TMBIM6: variants seen among roughly 807,000 people sequenced by gnomAD.
TMBIM6 encodes the protein bax inhibitor 1.
In TMBIM6, 13 loss-of-function variants were observed where a neutral mutation model predicts 31.4. That is an observed-to-expected ratio of 0.41 (90% CI 0.27 to 0.66). TMBIM6 has a LOEUF of 0.66. TMBIM6 is among the 30% of genes least tolerant of loss of function. The probability of loss-of-function intolerance (pLI) is 0.28; values close to 1 mark genes in which losing one functional copy is unlikely to be tolerated. For synonymous variants in TMBIM6, 85 were observed against 101.7 expected, an observed-to-expected ratio of 0.84 and a Z score of 0.99; for missense variants, 275 against 289.5, an observed-to-expected ratio of 0.95 and a Z score of 0.36.
chr12:49,758,297 T>TA, intron 5 of TMBIM6, 22 bp downstream of exon 5: 1 of 1,614,188 alleles, frequency 6.2e-7, no homozygotes, highest in South Asian at 1.1e-5. Context: ...GGTAGTGTCT[T>TA]ATGTGCTTTT....
intron 1 of TMBIM6, among the ~76,000 whole-genome samples, chr12:49,752,095 A>G (rs1433915631): frequency 6.6e-6 from 1 of 151,522 alleles, no homozygotes; most frequent in Admixed American, 6.6e-5. Context: ...TCTTGAAACA[A>G]TGACATAAAA....
intron 4 of TMBIM6, 82 bp downstream of exon 4, chr12:49,755,837 C>CTTT (rs369987981): frequency 1.3e-4 from 142 of 1,125,172 alleles, no homozygotes; most frequent in African/African-American, 4.9e-4. Flanking sequence ...CTTTTTTTTT[C>CTTT]TTTTTTTTTT....
At position 49,755,708 on chromosome 12, in the gene TMBIM6, C is replaced by T; in HGVS notation, c.239C>T (p.Thr80Ile). 6.2e-7 allele frequency: 1 copy of T among 1,614,116 alleles called. No individual in the cohort carries two copies. Among genetic ancestry groups the T allele is most frequent in the Non-Finnish European group, 8.5e-7 (1 of 1,179,992 alleles). ...ATGGCAACACCTCATAGCCATGAAA[C>T]TGAACAGAAAAGACTGGGACTTCTT... ...WLMATPHSHETEQKRLGLLAG... is the reference protein window; with the variant it reads ...WLMATPHSHEIEQKRLGLLAG... The change falls in exon 4 of 10, where the codon ACT becomes ATT. Residue 80 changes from threonine (T) to isoleucine (I), a missense_variant. Transcript: ENST00000267115.
At position 49,749,435 on chromosome 12, in the gene TMBIM6, A is replaced by ATTTTTTTTTTT. The variant is rs372622355; in HGVS notation, c.-30-3024_-30-3023insTTTTTTTTTTT. The stretch of plus-strand genomic sequence containing the variant: ...GTAAGTCCTTTTCTTTTTGTAAGTC[A>ATTTTTTTTTTT]TTTTTGTTTTTTTTTGAAACGGAGT... On this transcript the variant is annotated intron_variant, in intron 1 of 9. Transcript: ENST00000267115. Among the ~76,000 whole-genome samples the ATTTTTTTTTTT allele has an allele frequency of 3.9e-3, 527 of 136,312 alleles. 18 individuals are homozygous for ATTTTTTTTTTT. The highest frequency in any genetic ancestry group is 0.012 in the African/African-American group (385 of 32,346). 89.4% of individuals were successfully genotyped at this position (136,312 alleles called of 152,430 possible).
intron 8 of TMBIM6, among the ~76,000 whole-genome samples, chr12:49,759,900 C>T (rs1945681060): frequency 6.6e-6 from 1 of 151,218 alleles, no homozygotes; most frequent in African/African-American, 2.4e-5. Context: ...ATCACGAGGT[C>T]AGGAGATCGA....
intron 1 of TMBIM6, among the ~76,000 whole-genome samples, chr12:49,745,223 A>G (rs1385624665): frequency 1.3e-5 from 2 of 152,196 alleles, no homozygotes; most frequent in Non-Finnish European, 2.9e-5. Context: ...TTACTTCATC[A>G]AATCCTTTAC....
chr12:49,758,966 C>T (rs1218422216), intron 7 of TMBIM6: 1 of 639,180 alleles, frequency 1.6e-6, no homozygotes. Flanking sequence ...ATGGTTTGCT[C>T]AGACACCATT....
chr12:49,761,598 G>GA, intron 8 of TMBIM6, 106 bp from the exon 9 acceptor site: 3 of 956,358 alleles, frequency 3.1e-6, no homozygotes, highest in Non-Finnish European at 4.8e-6. Context: ...AAGTGTGGGA[G>GA]AAGCTGGCTC....
intron 9 of TMBIM6, chr12:49,762,219 A>G (rs1945733443): frequency 1.8e-5 from 3 of 167,034 alleles, no homozygotes; most frequent in Admixed American, 1.7e-4. Flanking sequence ...AACAAATGAA[A>G]TGAGCTTTTC....
In TMBIM6 at chr12:49,763,155, G is replaced by A; in HGVS notation, c.*259G>A. The A allele has an allele frequency of 2.8e-6, 1 of 354,890 alleles. No homozygotes were observed. The allele number at this position is 354,890 out of a possible 1,614,324, so 22.0% of individuals were successfully genotyped here. On this transcript the variant is annotated 3_prime_UTR_variant, in exon 10 of 10. Transcript: ENST00000267115. ...ATCTGTAGCCTCTTCCTCTACTCAG[G>A]CAGTCGACCCGCCACGATGAGAAGT...
chr12:49,761,679 T>C, intron 8 of TMBIM6, 25 bp from the exon 9 acceptor site: 2 of 1,612,420 alleles, frequency 1.2e-6, no homozygotes, highest in Non-Finnish European at 1.7e-6. Flanking sequence ...GAAGTACAGA[T>C]CCTAATCTGG....
intron 6 of TMBIM6, 49 bp downstream of exon 6, chr12:49,758,529 A>G (rs918486686): frequency 1.9e-6 from 3 of 1,589,890 alleles, no homozygotes; most frequent in Non-Finnish European, 2.6e-6. Context: ...TTTAGCCAGA[A>G]TTCTCACTAG....
In TMBIM6 at chr12:49,764,887, T is replaced by G. The variant is rs187055776; in HGVS notation, c.*1991T>G. The G allele has an allele frequency of 6.6e-6, 1 of 152,284 alleles. No individual in the cohort carries two copies. Among genetic ancestry groups the G allele is most frequent in the African/African-American group, 2.4e-5 (1 of 41,562 alleles). 9.4% of individuals were successfully genotyped at this position (152,284 alleles called of 1,614,324 possible). A position where few individuals can be genotyped will look rare whatever the true frequency, so the allele number is the denominator to read the frequency against. On this transcript the variant is annotated 3_prime_UTR_variant, in exon 10 of 10. Coordinates refer to ENST00000267115, the MANE Select transcript of TMBIM6 (RefSeq NM_003217.3). ...GTTTTTGATTCAGAAATATATGAAA[T>G]CTGCATAGTCTTAATTTGTAAAAAA... is the stretch of plus-strand genomic sequence containing the variant.
chr12:49,749,313 A>AT (rs1453316725), intron 1 of TMBIM6, among the ~76,000 whole-genome samples: 4 of 152,202 alleles, frequency 2.6e-5, no homozygotes, highest in Non-Finnish European at 5.9e-5. Context: ...TCATCTGTAC[A>AT]TTGTGTCATA....
intron 1 of TMBIM6, chr12:49,742,037 C>T (rs925392611): frequency 2.3e-5 from 34 of 1,498,836 alleles, no homozygotes; most frequent in Non-Finnish European, 2.9e-5. Flanking sequence ...AAACTCCACC[C>T]ATCCGATTGC....
intron 7 of TMBIM6, 89 bp downstream of exon 7, chr12:49,758,851 T>TAC (rs1177383318): frequency 1.3e-5 from 15 of 1,155,202 alleles, no homozygotes; most frequent in Non-Finnish European, 1.9e-5. Flanking sequence ...CTTTCTGTAC[T>TAC]ACTTTGGGCA....
At chr12:49,742,028 A>C (rs1381619403) in intron 1 of TMBIM6, 6 of 1,479,258 alleles carry the variant, frequency 4.1e-6, no homozygotes, top group East Asian at 2.5e-5. Context: ...AGGAACGCGA[A>C]ACTCCACCCA....
At chr12:49,743,630 C>T (rs1230578576) in intron 1 of TMBIM6, 1 of 152,150 alleles carries the variant, frequency 6.6e-6, no homozygotes, top group Middle Eastern at 3.2e-3. Context: ...ATAGTTCGCG[C>T]TCTTTATACA....
chr12:49,745,826 T>C (rs1945381804), intron 1 of TMBIM6, among the ~76,000 whole-genome samples: 1 of 152,104 alleles, frequency 6.6e-6, no homozygotes. Flanking sequence ...TATTATAAAG[T>C]AGGCTTTGCG....
Sources: allele counts gnomAD v4.1 joint callset (sites outside exome capture counted in the v4.1 genomes callset), GRCh38; gene constraint gnomAD v4.1.1; transcripts MANE v1.5; gene names NCBI Gene and HGNC (gene_info 2026-07-23, HGNC 2026-07-21).